The following PIF1 variants were observed in gnomAD, a reference collection of about 807,000 sequenced individuals.
PIF1 encodes the protein PIF1 5'-to-3' DNA helicase.
In PIF1, 67 loss-of-function variants were observed where a neutral mutation model predicts 62.3. The observed-to-expected ratio is 1.08, with a 90% CI of 0.88 to 1.32. The LOEUF is 1.32. Among genes scored for constraint, PIF1 ranks in the 40% most tolerant of loss-of-function variants. The pLI is 0.00. For missense variants in PIF1, 886 were observed against 866.1 expected (o/e 1.02, Z -0.29); for synonymous variants, 364 against 379.5 (o/e 0.96, Z 0.47).
intron 4 of PIF1, chr15:64,822,006 C>T: frequency 2.2e-6 from 1 of 451,954 alleles, no homozygotes; most frequent in Middle Eastern, 6.0e-4. Context: ...TCCCAAAGTG[C>T]TGGGATTACA....
In PIF1 at chr15:64,819,900, G is replaced by T. The variant is rs2084260648; in HGVS notation, c.1280C>A (p.Thr427Asn). The change falls in exon 8 of 13, where the codon ACC (threonine) becomes AAC (asparagine). Residue 427 changes from threonine to asparagine, a missense_variant. Transcript: ENST00000559239. The part of the protein sequence containing the change: ...RDGIVATRLC[T>N]HQDDVALTNE... ...GGTGAGGGCCACATCATCCTGGTGG[G>T]TGCAGAGCCTCGTGGCCACAATCCC... The T allele has an allele frequency of 6.2e-7, 1 of 1,614,102 alleles. No homozygotes were observed. The highest frequency in any genetic ancestry group is 8.5e-7 in the Non-Finnish European group (1 of 1,180,050).
chr15:64,824,002 G>C lies in PIF1; in HGVS notation c.334C>G (p.Arg112Gly), dbSNP rs187718134. The stretch of plus-strand genomic sequence containing the variant: ...AATGTGCGCAGGAAGCGGCGCAGGC[G>C]GTCTGGGGGGCAGTCCGAGAGCAGC... ...QLLLSDCPPD[R>G]LRRFLRTLRL... is the part of the protein sequence containing the mutation. The change falls in exon 2 of 13, where the codon CGC becomes GGC. Residue 112 changes from arginine to glycine, a missense_variant. Arg to Gly is a moderately radical substitution (Grantham distance 125). Transcript: ENST00000559239. The C allele has an allele frequency of 5.7e-5, 74 of 1,296,334 alleles. No individual in the cohort carries two copies. Among genetic ancestry groups the C allele is most frequent in the Non-Finnish European group, 7.0e-5 (72 of 1,022,600 alleles). The allele number at this position is 1,296,334 out of a possible 1,614,324, so 80.3% of individuals were successfully genotyped here. A position where few individuals can be genotyped will look rare whatever the true frequency, so the allele number is the denominator to read the frequency against.
chr15:64,823,166 T>C (rs1230719662), intron 2 of PIF1: 3 of 155,578 alleles, frequency 1.9e-5, no homozygotes, highest in Non-Finnish European at 2.8e-5. Context: ...CTCCATAAGC[T>C]CCTCTACTCT....
chr15:64,826,624 TTATATATATATATATATA>T (rs764170884), upstream of PIF1, among the ~76,000 whole-genome samples: 33 of 36,078 alleles, frequency 9.1e-4, no homozygotes, highest in East Asian at 7.9e-3. Context: ...CCCAGCTAAT[TTATATATATATATATATA>T]TATATATATA....
In PIF1 at chr15:64,818,258, T is replaced by A; in HGVS notation, c.1527A>T (p.Arg509Ser). 6.2e-7 allele frequency: 1 copy of A among 1,613,708 alleles called. No homozygotes were observed. The highest frequency in any genetic ancestry group is 8.5e-7 in the Non-Finnish European group (1 of 1,179,930). Residue 509 changes from arginine (R) to serine (S), a missense_variant and splice_region_variant, in exon 10 of 13, where the codon AGA (arginine) becomes AGT (serine). Physicochemically the swap from Arg to Ser is moderately radical, Grantham distance 110. Coordinates refer to ENST00000559239, the MANE Select transcript of PIF1 (RefSeq NM_001286496.2). Reference protein sequence around the residue: ...GVVVGFEAEGRGLPQVRFLCG... With the variant: ...GVVVGFEAEGSGLPQVRFLCG... ...CTGCCACCTCCTCCCAACACTTACC[T>A]CTCCCTTCTGCCTCGAACCCAACTA...
At chr15:64,826,817 C>T (rs1295746232), upstream of PIF1, among the ~76,000 whole-genome samples, 2 of 150,180 alleles carry the variant, frequency 1.3e-5, no homozygotes, top group East Asian at 2.0e-4. Context: ...TCTCGAACTC[C>T]GGAGGTCAAA....
Position 64,816,590 on chromosome 15 carries a change from C to G in PIF1, c.1850G>C (p.Gly617Ala). 1.2e-6 allele frequency: 2 copies of G among 1,613,500 alleles called. No individual in the cohort carries two copies. Among genetic ancestry groups the G allele is most frequent in the East Asian group, 2.2e-5 (1 of 44,882 alleles). Residue 617 changes from glycine to alanine, a missense_variant, in exon 12 of 13, where the codon GGC (glycine) becomes GCC (alanine). By Grantham distance (60) the Gly-to-Ala change is moderately conservative. Coordinates refer to ENST00000559239, the MANE Select transcript of PIF1 (RefSeq NM_001286496.2). The part of the protein sequence containing the change: ...VLHFYATLRR[G>A]RSLSLESPDD... ...CCCTCTTACCAGACTGAGGCTCCTG[C>G]CCCGCCGCAGGGTGGCATAGAAGTG...
chr15:64,821,043 T>C lies in PIF1; in HGVS notation c.1132A>G (p.Lys378Glu). The stretch of plus-strand genomic sequence containing the variant: ...GTCTGGTCTGCCTGCCTCCACACCT[T>C]GGTCAGCTCCAGGGTCACTGGCACA... ...RCVPVTLELT[K>E]VWRQADQTFI... is the part of the protein sequence containing the mutation. Residue 378 changes from lysine to glutamate, a missense_variant, in exon 7 of 13, where the codon AAG (lysine) becomes GAG (glutamate). Physicochemically the swap from Lys to Glu is moderately conservative, Grantham distance 56 (BLOSUM62 1). Transcript: ENST00000559239. The C allele has an allele frequency of 5.0e-6, 8 of 1,613,586 alleles. No individual in the cohort carries two copies. The highest frequency in any genetic ancestry group is 6.8e-6 in the Non-Finnish European group (8 of 1,179,832).
In PIF1 at chr15:64,819,776, G is replaced by T. The variant is rs2084257129; in HGVS notation, c.1333+71C>A. 10 of 1,596,920 alleles carry T rather than the reference G, an allele frequency of 6.3e-6. No homozygotes were observed. The Admixed American group carries it at 1.7e-4, about 27-fold the overall frequency. On this transcript the variant is annotated intron_variant, in intron 8 of 12. Transcript: ENST00000559239. ...TGGGGGCCTAGGACCCAGAGGCCCA[G>T]GTTGCCTGGGGGCTACATCTGCTTA... is the stretch of plus-strand genomic sequence containing the variant.
intron 4 of PIF1, 96 bp downstream of exon 4, chr15:64,822,170 C>T: frequency 4.7e-6 from 7 of 1,503,064 alleles, no homozygotes; most frequent in Non-Finnish European, 6.3e-6. Flanking sequence ...CCACGGCGCC[C>T]AGCCCCCAAA....
intron 11 of PIF1, 130 bp downstream of exon 11, chr15:64,817,816 C>T (rs753956727): frequency 5.5e-5 from 59 of 1,076,974 alleles, no homozygotes; most frequent in East Asian, 8.2e-5. Flanking sequence ...GAGCCAAGAT[C>T]GCGCCACTGC....
At chr15:64,819,096 T>G in intron 9 of PIF1, 21 bp downstream of exon 9, 1 of 1,556,754 alleles carries the variant, frequency 6.4e-7, no homozygotes, top group Non-Finnish European at 8.7e-7. Context: ...TCCCAGGGGC[T>G]AGGCCCTGCT....
At position 64,818,293 on chromosome 15, in the gene PIF1, G is replaced by C. The variant is rs200699011; in HGVS notation, c.1492C>G (p.Arg498Gly). 6.2e-7 allele frequency: 1 copy of C among 1,613,802 alleles called. No homozygotes were observed. Among genetic ancestry groups the C allele is most frequent in the Admixed American group, 1.7e-5 (1 of 59,984 alleles). The change falls in exon 10 of 13, where the codon CGA becomes GGA. Residue 498 changes from arginine to glycine, a missense_variant. Arg to Gly is a moderately radical substitution (Grantham distance 125, BLOSUM62 -2). Coordinates refer to ENST00000559239, the MANE Select transcript of PIF1 (RefSeq NM_001286496.2). Reference protein sequence around the residue: ...SVSRGLVNGARGVVVGFEAEG... With the variant: ...SVSRGLVNGAGGVVVGFEAEG... Reference sequence around the variant, plus strand: ...GCCTCGAACCCAACTACCACCCCTCGGGCACCATTCACCAGGCCCCGAGAC... The same window carrying C: ...GCCTCGAACCCAACTACCACCCCTCCGGCACCATTCACCAGGCCCCGAGAC...
Position 64,823,853 on chromosome 15 carries a change from C to T in PIF1, c.483G>A (p.Arg161=). 1 of 1,382,736 alleles carries T rather than the reference C, an allele frequency of 7.2e-7. No individual in the cohort carries two copies. The highest frequency in any genetic ancestry group is 9.5e-7 in the Non-Finnish European group (1 of 1,057,470). The allele number at this position is 1,382,736 out of a possible 1,614,324, so 85.7% of individuals were successfully genotyped here. A position where few individuals can be genotyped will look rare whatever the true frequency, so the allele number is the denominator to read the frequency against. The change falls in exon 2 of 13, where the codon AGG becomes AGA. Residue 161 remains arginine (R), a synonymous_variant. Transcript: ENST00000559239. Reference sequence around the variant, plus strand: ...TAGTGTCCGGAACCCGGGTGGCCGCCCTGAGCCGCCGCTCCTCGGGCTGCA... The same window carrying T: ...TAGTGTCCGGAACCCGGGTGGCCGCTCTGAGCCGCCGCTCCTCGGGCTGCA... ...SPVQPEERRL[R]AATRVPDTTL...
intron 7 of PIF1, among the ~76,000 whole-genome samples, chr15:64,820,749 A>T (rs2084272936): frequency 9.6e-6 from 1 of 104,358 alleles, no homozygotes; most frequent in Admixed American, 1.1e-4. Flanking sequence ...CCCAACCCTG[A>T]GGGAGGCTAG....
Position 64,818,102 on chromosome 15 carries a change from C to T in PIF1, c.1529-11G>A, listed in dbSNP as rs1486295511. On this transcript the variant is annotated splice_polypyrimidine_tract_variant and intron_variant, in intron 10 of 12. Coordinates refer to ENST00000559239, the MANE Select transcript of PIF1 (RefSeq NM_001286496.2). Reference sequence around the variant, plus strand: ...GCACCTGGGGTAGCCCTAAGGAGAGCATGGAGCAGTCCAACTTTAGCTCTG... The same window carrying T: ...GCACCTGGGGTAGCCCTAAGGAGAGTATGGAGCAGTCCAACTTTAGCTCTG... The T allele has an allele frequency of 6.2e-6, 10 of 1,613,514 alleles. No individual in the cohort carries two copies. The highest frequency in any genetic ancestry group is 8.5e-6 in the Non-Finnish European group (10 of 1,179,824).
At chr15:64,820,022 G>T in intron 7 of PIF1, 36 bp from the exon 8 acceptor site, 3 of 1,599,372 alleles carry the variant, frequency 1.9e-6, no homozygotes, top group Non-Finnish European at 2.6e-6. Context: ...GAGCCCACCT[G>T]TGCAGCAGGG....
upstream of PIF1, among the ~76,000 whole-genome samples, chr15:64,826,640 A>C (rs1663784059): frequency 3.8e-5 from 1 of 26,116 alleles, no homozygotes; most frequent in Admixed American, 3.3e-4. Context: ...ATATATATAT[A>C]TATATATATA....
intron 11 of PIF1, 75 bp downstream of exon 11, chr15:64,817,871 A>G: frequency 6.7e-7 from 1 of 1,495,288 alleles, no homozygotes; most frequent in Non-Finnish European, 9.0e-7. Flanking sequence ...CAAAAATAAA[A>G]AAAAGACACA....
Sources: gnomAD v4.1 joint callset for allele counts (sites outside exome capture counted in the v4.1 genomes callset) on GRCh38, gnomAD v4.1.1 for gene constraint, MANE v1.5 for transcripts, NCBI Gene and HGNC (gene_info 2026-07-23, HGNC 2026-07-21) for gene names.